ME3: variants seen among roughly 807,000 people sequenced by gnomAD.
ME3 encodes the protein NADP-dependent malic enzyme, mitochondrial.
In ME3, 48 loss-of-function variants were observed where a neutral mutation model predicts 68.9. The observed-to-expected ratio is 0.70, with a 90% CI of 0.55 to 0.89. The LOEUF is 0.89. Ranked by LOEUF, ME3 falls within the 40% of genes least tolerant of loss-of-function variation. ME3 has a pLI of 0.00. For synonymous variants in ME3, 320 were observed against 318.8 expected (o/e 1.00, Z -0.04); for missense variants, 675 against 797.4 (o/e 0.85, Z 1.85).
chr11:86,512,689 C>G (rs1047185645), intron 4 of ME3, among the ~76,000 whole-genome samples: 2 of 152,106 alleles, frequency 1.3e-5, no homozygotes, highest in Non-Finnish European at 2.9e-5. Context: ...GTAGATGAAC[C>G]AGGAAAGAGG....
chr11:86,637,369 A>G (rs958349439), intron 2 of ME3, among the ~76,000 whole-genome samples: 3 of 148,346 alleles, frequency 2.0e-5, no homozygotes, highest in Admixed American at 1.3e-4. Context: ...AAAAAAAGCA[A>G]AACTCATTAC....
In ME3 at chr11:86,593,439, G is replaced by A. The variant is rs191293438; in HGVS notation, c.184-33616C>T. On this transcript the variant is annotated intron_variant, in intron 2 of 14. Transcript: ENST00000543262. Reference sequence around the variant, plus strand: ...ACTTGGGTTGCATGTTTAATATTTCGTAAAACAATACTTTCACATATATCA... The same window carrying A: ...ACTTGGGTTGCATGTTTAATATTTCATAAAACAATACTTTCACATATATCA... Among the ~76,000 whole-genome samples the A allele has an allele frequency of 1.4e-3, 199 of 146,602 alleles. 25 individuals carry two copies. Among genetic ancestry groups the A allele is most frequent in the Non-Finnish European group, 2.3e-3 (156 of 67,146 alleles).
intron 4 of ME3, among the ~76,000 whole-genome samples, chr11:86,546,624 T>G (rs2139384252): frequency 6.6e-6 from 1 of 152,332 alleles, no homozygotes. Context: ...AGATACCATC[T>G]CATGCCAGTT....
intron 4 of ME3, among the ~76,000 whole-genome samples, chr11:86,510,203 C>T (rs759671030): frequency 3.3e-5 from 5 of 152,154 alleles, no homozygotes; most frequent in East Asian, 1.9e-4. Flanking sequence ...CAACATCGTC[C>T]TACCAAAACT....
intron 13 of ME3, 49 bp downstream of exon 13, chr11:86,446,265 A>T (rs756365127): frequency 6.3e-7 from 1 of 1,598,042 alleles, no homozygotes; most frequent in East Asian, 2.2e-5. Flanking sequence ...ACCCAGTGTC[A>T]ACCCACAGAC....
In ME3 at chr11:86,498,208, T is replaced by G. The variant is rs1020226914; in HGVS notation, c.544-84A>C. ...TTTTAGCAGCCCCAGCCCATCAGGC[T>G]TGGCGACTGGATGCCCACTGACTTT... On this transcript the variant is annotated intron_variant, in intron 5 of 14. Coordinates refer to ENST00000543262, the Ensembl canonical transcript of ME3. The G allele has an allele frequency of 1.2e-5, 18 of 1,471,418 alleles. No individual in the cohort carries two copies. In the African/African-American group the frequency reaches 1.8e-4, roughly 15 times the overall value. 91.1% of individuals were successfully genotyped at this position (1,471,418 alleles called of 1,614,324 possible).
At chr11:86,642,423 T>C (rs1037109370) in intron 2 of ME3, among the ~76,000 whole-genome samples, 4 of 152,186 alleles carry the variant, frequency 2.6e-5, no homozygotes, top group Non-Finnish European at 4.4e-5. Context: ...ACTCAGCAAA[T>C]TGGTGCTTTC....
intron 2 of ME3, among the ~76,000 whole-genome samples, chr11:86,570,143 A>AGGAT (rs1957707141): frequency 1.3e-5 from 2 of 152,204 alleles, no homozygotes; most frequent in South Asian, 4.1e-4. Flanking sequence ...ACTGGAAGGA[A>AGGAT]GGATTAGCAG....
intron 4 of ME3, among the ~76,000 whole-genome samples, chr11:86,528,642 T>C (rs1954959874): frequency 6.6e-6 from 1 of 151,910 alleles, no homozygotes; most frequent in African/African-American, 2.4e-5. Flanking sequence ...AGAACAGAAA[T>C]TATAACAAAC....
chr11:86,446,930 G>T, intron 12 of ME3, 135 bp downstream of exon 12: 2 of 1,217,836 alleles, frequency 1.6e-6, no homozygotes, highest in Non-Finnish European at 2.2e-6. Context: ...CTTTGACCTT[G>T]GGCATGTTAC....
intron 2 of ME3, among the ~76,000 whole-genome samples, chr11:86,659,172 C>G (rs955337724): frequency 6.6e-6 from 1 of 152,136 alleles, no homozygotes; most frequent in Non-Finnish European, 1.5e-5. Flanking sequence ...CACACAGGAG[C>G]GACAGCAGGA....
Position 86,529,195 on chromosome 11 carries a change from A to G in ME3, c.468-20328T>C, listed in dbSNP as rs1345572982. On this transcript the variant is annotated intron_variant, in intron 4 of 14. Transcript: ENST00000543262. ...GGGATATCACCACCAATCCCACAGA[A>G]ATACAAACTACCATCAGAGAATACT... Among the ~76,000 whole-genome samples the G allele has an allele frequency of 2.0e-5, 3 of 152,362 alleles. No homozygotes were observed. In the East Asian group the frequency reaches 5.8e-4, roughly 29 times the overall value.
chr11:86,650,058 T>C (rs957045583), intron 2 of ME3, among the ~76,000 whole-genome samples: 2 of 152,300 alleles, frequency 1.3e-5, no homozygotes, highest in Non-Finnish European at 1.5e-5. Flanking sequence ...CTTCAAACTA[T>C]ACTACGATGC....
intron 7 of ME3, among the ~76,000 whole-genome samples, chr11:86,479,218 G>C (rs1951253804): frequency 6.6e-6 from 1 of 152,138 alleles, no homozygotes; most frequent in South Asian, 2.1e-4. Context: ...AGAACTCCAG[G>C]CTCTTTGGCC....
At chr11:86,544,024 T>C (rs1215130366) in intron 4 of ME3, among the ~76,000 whole-genome samples, 1 of 128,602 alleles carries the variant, frequency 7.8e-6, no homozygotes, top group Non-Finnish European at 1.7e-5. Context: ...CACAACTACA[T>C]GTAAACTGAA....
intron 5 of ME3, among the ~76,000 whole-genome samples, chr11:86,504,899 C>T (rs928605875): frequency 6.6e-6 from 1 of 152,060 alleles, no homozygotes; most frequent in African/African-American, 2.4e-5. Context: ...CCATGTTGGC[C>T]AGGCTGTGCT....
intron 2 of ME3, among the ~76,000 whole-genome samples, chr11:86,665,268 A>G (rs1405609948): frequency 6.6e-6 from 1 of 152,218 alleles, no homozygotes; most frequent in Non-Finnish European, 1.5e-5. Flanking sequence ...GGAAGTGTCA[A>G]ATACTATGGG....
chr11:86,598,785 C>T (rs113289485), intron 2 of ME3, among the ~76,000 whole-genome samples: 11 of 152,170 alleles, frequency 7.2e-5, no homozygotes, highest in African/African-American at 2.2e-4. Flanking sequence ...GCAGCATTCG[C>T]GGATCACGAA....
At chr11:86,496,784 T>C (rs1356852060) in intron 6 of ME3, among the ~76,000 whole-genome samples, 1 of 151,948 alleles carries the variant, frequency 6.6e-6, no homozygotes, top group Non-Finnish European at 1.5e-5. Flanking sequence ...TAATGGTTAA[T>C]AGCCTGAAAG....
Sources: allele counts gnomAD v4.1 joint callset (sites outside exome capture counted in the v4.1 genomes callset), GRCh38; gene constraint gnomAD v4.1.1; transcripts MANE v1.5; gene names NCBI Gene and HGNC (gene_info 2026-07-23, HGNC 2026-07-21).